TRAF7: variants seen among roughly 807,000 people sequenced by gnomAD.
TRAF7 encodes the protein TNF receptor associated factor 7.
TRAF7 carries 45 observed loss-of-function variants against 89.3 expected under a neutral mutation model. The observed-to-expected ratio is 0.50, with a 90% CI of 0.40 to 0.65. The LOEUF (loss-of-function observed/expected upper bound fraction) is 0.65. TRAF7 is among the 30% of genes least tolerant of loss of function. The pLI, the probability that TRAF7 is intolerant of heterozygous loss-of-function variation, is 0.00. For synonymous variants in TRAF7, 406 were observed against 369.2 expected (o/e 1.10, Z -1.14); for missense variants, 677 against 918.1 (o/e 0.74, Z 3.39).
intron 1 of TRAF7, among the ~76,000 whole-genome samples, chr16:2,157,284 G>A (rs1567244011): frequency 1.3e-5 from 2 of 152,168 alleles, no homozygotes. Flanking sequence ...GTCCTGAGGG[G>A]GAGCAGTGGT....
At position 2,168,318 on chromosome 16, in the gene TRAF7, A is replaced by G; in HGVS notation, c.231+150A>G. ...TGGATACCCTGAGGCCTCGGCAGACATGGCAAGTCTGTGAGAAAGGAGGCT... is the reference window on the plus strand; with the variant it reads ...TGGATACCCTGAGGCCTCGGCAGACGTGGCAAGTCTGTGAGAAAGGAGGCT... On this transcript the variant is annotated intron_variant, in intron 4 of 20. Transcript: ENST00000326181. This position sits in a 1 kb window ranked among gnomAD's most constrained non-coding sequence, Gnocchi z 4.1. The G allele has an allele frequency of 1.6e-6, 1 of 618,050 alleles. No homozygotes were observed. Among genetic ancestry groups the G allele is most frequent in the Non-Finnish European group, 2.7e-6 (1 of 365,622 alleles). 38.3% of individuals were successfully genotyped at this position (618,050 alleles called of 1,614,324 possible).
rs1305230017 is a variant in TRAF7, at chr16:2,158,942, A to G, written c.-39+3084A>G. 6.6e-6 allele frequency among the ~76,000 whole-genome samples: 1 copy of G among 152,142 alleles called. No homozygotes were observed. Among genetic ancestry groups the G allele is most frequent in the Non-Finnish European group, 1.5e-5 (1 of 68,010 alleles). ...GGATACTCTCCCCACTCTGGATCCC[A>G]GCAGCCTCATCCTCCAGGAAGCCCT... On this transcript the variant is annotated intron_variant, in intron 1 of 20. Transcript: ENST00000326181. The surrounding 1 kb of genome is among the most constrained non-coding windows in gnomAD (Gnocchi z 4.7).
intron 9 of TRAF7, among the ~76,000 whole-genome samples, chr16:2,172,857 G>A (rs1195943291): frequency 6.6e-6 from 1 of 152,078 alleles, no homozygotes; most frequent in South Asian, 2.1e-4. Flanking sequence ...GAGCTTTGGA[G>A]AGGGAGGTGG....
At chr16:2,169,169 A>G (rs2093098531) in intron 4 of TRAF7, among the ~76,000 whole-genome samples, 1 of 152,008 alleles carries the variant, frequency 6.6e-6, no homozygotes, top group African/African-American at 2.4e-5. Context: ...ATTAGTAGAG[A>G]TGGGGTTTCT....
At chr16:2,176,026 C>G (rs555319623) in intron 18 of TRAF7, 23 bp from the exon 19 acceptor site, 1 of 1,608,278 alleles carries the variant, frequency 6.2e-7, no homozygotes, top group South Asian at 1.1e-5. Context: ...TGTCTTTGAC[C>G]TGCCTGTGCC....
chr16:2,170,503 G>A, intron 4 of TRAF7, 111 bp from the exon 5 acceptor site: 9 of 746,154 alleles, frequency 1.2e-5, no homozygotes, highest in South Asian at 6.6e-5. Context: ...AGGGACCGGG[G>A]TGGCCCCAGG....
Position 2,177,812 on chromosome 16 carries a change from T to G in TRAF7, c.*1238T>G. On this transcript the variant is annotated 3_prime_UTR_variant, in exon 21 of 21. Transcript: ENST00000326181. ...AGAGCAAGGCACAACCTCGAGTTCT[T>G]GGGGCGCAGAGAACTTAGGAGAGAA... The G allele has an allele frequency of 4.2e-6, 1 of 239,706 alleles. No individual in the cohort carries two copies. Among genetic ancestry groups the G allele is most frequent in the Non-Finnish European group, 8.2e-6 (1 of 121,464 alleles). 14.8% of individuals were successfully genotyped at this position (239,706 alleles called of 1,614,324 possible). A position where few individuals can be genotyped will look rare whatever the true frequency, so the allele number is the denominator to read the frequency against.
At position 2,169,396 on chromosome 16, in the gene TRAF7, C is replaced by T. The variant is rs556382342; in HGVS notation, c.232-1218C>T. Among the ~76,000 whole-genome samples, 31 of 152,202 alleles carry T rather than the reference C, an allele frequency of 2.0e-4. No individual in the cohort carries two copies. In the East Asian group the frequency reaches 5.2e-3, roughly 26 times the overall value. On this transcript the variant is annotated intron_variant, in intron 4 of 20. Transcript: ENST00000326181. The stretch of plus-strand genomic sequence containing the variant: ...CCGTCCCCTGGGCCTCTGCCTGCCT[C>T]GGTCTCCACAACCCGAAGCCACGAG...
At chr16:2,164,139 G>GTGT (rs1555465685) in intron 2 of TRAF7, 138 bp downstream of exon 2, 5 of 544,386 alleles carry the variant, frequency 9.2e-6, no homozygotes, top group African/African-American at 8.6e-5. Context: ...GGGGGGGTGT[G>GTGT]GTGTGTGTGT....
Position 2,176,643 on chromosome 16 carries a change from T to TG in TRAF7, c.*73dup. ...ACCTTTCTGAGCCAGGCTGGCCACATGGGGTGGTCTCGGGGTTTCTGCCTG... is the reference window on the plus strand; with the variant it reads ...ACCTTTCTGAGCCAGGCTGGCCACATGGGGGTGGTCTCGGGGTTTCTGCCTG... On this transcript the variant is annotated 3_prime_UTR_variant, in exon 21 of 21. Coordinates refer to ENST00000326181, the MANE Select transcript of TRAF7 (RefSeq NM_032271.3). 6.2e-7 allele frequency: 1 copy of TG among 1,611,386 alleles called. No homozygotes were observed. The highest frequency in any genetic ancestry group is 8.5e-7 in the Non-Finnish European group (1 of 1,178,994).
Position 2,172,360 on chromosome 16 carries a change from G to A in TRAF7, c.645G>A (p.Lys215=). 1 of 1,612,064 alleles carries A rather than the reference G, an allele frequency of 6.2e-7. No homozygotes were observed. The highest frequency in any genetic ancestry group is 8.5e-7 in the Non-Finnish European group (1 of 1,179,678). The part of the protein sequence containing the change: ...VDPRGCPFTI[K]LSARKDHEGS... The stretch of plus-strand genomic sequence containing the variant: ...CCCGAGGGTGCCCCTTCACCATCAA[G>A]CTCAGCGCCCGGAAGTAAGTGCCCC... The change falls in exon 8 of 21, where the codon AAG becomes AAA. Residue 215 remains lysine (K), a synonymous_variant. Coordinates refer to ENST00000326181, the MANE Select transcript of TRAF7 (RefSeq NM_032271.3).
At position 2,177,836 on chromosome 16, in the gene TRAF7, A is replaced by T. The variant is rs890360626; in HGVS notation, c.*1262A>T. On this transcript the variant is annotated 3_prime_UTR_variant, in exon 21 of 21. Transcript: ENST00000326181. The stretch of plus-strand genomic sequence containing the variant: ...TTGGGGCGCAGAGAACTTAGGAGAG[A>T]AGCACGGAGGAGCCCCCGGCAGAGC... The T allele has an allele frequency of 3.8e-6, 1 of 263,360 alleles. No individual in the cohort carries two copies. Among genetic ancestry groups the T allele is most frequent in the Non-Finnish European group, 7.4e-6 (1 of 135,300 alleles). 16.3% of individuals were successfully genotyped at this position (263,360 alleles called of 1,614,324 possible).
Position 2,174,251 on chromosome 16 carries a change from G to A in TRAF7, c.1264G>A (p.Val422Met), listed in dbSNP as rs2093126133. ...CCCACTGTGGCCCTGGTCTCTGCAGGTGTGGGACACATGTACCACCTACAA... is the reference window on the plus strand; with the variant it reads ...CCCACTGTGGCCCTGGTCTCTGCAGATGTGGGACACATGTACCACCTACAA... ...FSGSSDKTIK[V>M]WDTCTTYKCQ... Residue 422 changes from valine to methionine, a missense_variant and splice_region_variant, in exon 14 of 21, where the codon GTG becomes ATG. Physicochemically the swap from Val to Met is conservative, Grantham distance 21. Coordinates refer to ENST00000326181, the MANE Select transcript of TRAF7 (RefSeq NM_032271.3). 6.2e-7 allele frequency: 1 copy of A among 1,612,672 alleles called. No individual in the cohort carries two copies. Among genetic ancestry groups the A allele is most frequent in the African/African-American group, 1.3e-5 (1 of 74,934 alleles).
chr16:2,172,086 A>G, intron 7 of TRAF7, 105 bp from the exon 8 acceptor site: 2 of 1,399,406 alleles, frequency 1.4e-6, no homozygotes, highest in South Asian at 1.2e-5. Context: ...CGTGCCTCAG[A>G]GGCGCAGATG....
In TRAF7 at chr16:2,161,565, C is replaced by T. The variant is rs1318120064; in HGVS notation, c.-38-2318C>T. 1.3e-5 allele frequency among the ~76,000 whole-genome samples: 2 copies of T among 152,120 alleles called. No homozygotes were observed. The highest frequency in any genetic ancestry group is 1.9e-4 in the East Asian group (1 of 5,166). On this transcript the variant is annotated intron_variant, in intron 1 of 20. Coordinates refer to ENST00000326181, the MANE Select transcript of TRAF7 (RefSeq NM_032271.3). This position sits in a 1 kb window ranked among gnomAD's most constrained non-coding sequence, Gnocchi z 5.2. Reference sequence around the variant, plus strand: ...GGGCTTGCAGCTGGCCCTGGGGCCCCGGAAGCTTGCAGTACAGGGAGCTGA... The same window carrying T: ...GGGCTTGCAGCTGGCCCTGGGGCCCTGGAAGCTTGCAGTACAGGGAGCTGA...
intron 11 of TRAF7, 93 bp from the exon 12 acceptor site, chr16:2,173,695 C>G (rs898227058): frequency 6.3e-7 from 1 of 1,579,246 alleles, no homozygotes; most frequent in East Asian, 2.3e-5. Flanking sequence ...CACCCCTGCC[C>G]ACCCCTGGCC....
intron 3 of TRAF7, 136 bp from the exon 4 acceptor site, chr16:2,167,941 C>A: frequency 1.4e-6 from 1 of 725,396 alleles, no homozygotes. Flanking sequence ...TCCCTGCATG[C>A]TTTCCTGCCT....
At chr16:2,172,063 C>A in intron 7 of TRAF7, 128 bp from the exon 8 acceptor site, 2 of 1,119,508 alleles carry the variant, frequency 1.8e-6, no homozygotes, top group East Asian at 2.6e-5. Context: ...CCTGTGCCCC[C>A]GTTCCCATGT....
At position 2,163,755 on chromosome 16, in the gene TRAF7, G is replaced by A. The variant is rs2093066741; in HGVS notation, c.-38-128G>A. On this transcript the variant is annotated intron_variant, in intron 1 of 20. Transcript: ENST00000326181. The surrounding 1 kb of genome is among the most constrained non-coding windows in gnomAD (Gnocchi z 4.3). ...CTAGAGGCCTGCCTGAGCCGGGGCT[G>A]GTGGTGGAAGGCTGCTGCGGCGGCC... The A allele has an allele frequency of 3.0e-6, 2 of 659,278 alleles. No homozygotes were observed. The highest frequency in any genetic ancestry group is 2.6e-4 in the Middle Eastern group (1 of 3,902). 40.8% of individuals were successfully genotyped at this position (659,278 alleles called of 1,614,324 possible). A position where few individuals can be genotyped will look rare whatever the true frequency, so the allele number is the denominator to read the frequency against.
Sources: gnomAD v4.1 joint callset for allele counts (sites outside exome capture counted in the v4.1 genomes callset) on GRCh38, gnomAD v4.1.1 for gene constraint, Gnocchi (gnomAD v3.1) non-coding constraint, MANE v1.5 for transcripts, NCBI Gene and HGNC (gene_info 2026-07-23, HGNC 2026-07-21) for gene names.